The following ZFAND1 variants were observed in gnomAD, a reference collection of about 807,000 sequenced individuals.
ZFAND1 encodes the protein zinc finger AN1-type containing 1.
In ZFAND1, 40 loss-of-function variants were observed where a neutral mutation model predicts 38.5. The observed-to-expected ratio is 1.04, with a 90% CI of 0.81 to 1.35. The LOEUF (loss-of-function observed/expected upper bound fraction) is 1.35, where lower values mean the gene tolerates loss of function less well. ZFAND1 is among the 40% of genes most tolerant of loss of function. The pLI, the probability that ZFAND1 is intolerant of heterozygous loss-of-function variation, is 0.00. For missense variants in ZFAND1, 346 were observed against 316.3 expected (o/e 1.09, Z -0.71); for synonymous variants, 117 against 103.6 (o/e 1.13, Z -0.78).
At position 81,702,497 on chromosome 8, in the gene ZFAND1, T is replaced by A. The variant is rs1003092027; in HGVS notation, c.*198A>T. The A allele has an allele frequency of 1.7e-5, 6 of 355,706 alleles. No individual in the cohort carries two copies. The highest frequency in any genetic ancestry group is 2.9e-5 in the Non-Finnish European group (6 of 203,890). 22.0% of individuals were successfully genotyped at this position (355,706 alleles called of 1,614,324 possible). On this transcript the variant is annotated 3_prime_UTR_variant, in exon 8 of 8. Transcript: ENST00000220669. ...CTAATTAAATATAAGAATTTGCTAA[T>A]AATTGAGGATCCGTACACAATTAAA...
At chr8:81,712,617 A>G (rs1286418776) in intron 6 of ZFAND1, among the ~76,000 whole-genome samples, 1 of 152,188 alleles carries the variant, frequency 6.6e-6, no homozygotes, top group East Asian at 1.9e-4. Flanking sequence ...TAATGACAAC[A>G]AAAATTATAA....
At chr8:81,704,900 A>G (rs1041988606) in intron 6 of ZFAND1, among the ~76,000 whole-genome samples, 4 of 152,224 alleles carry the variant, frequency 2.6e-5, no homozygotes, top group African/African-American at 9.6e-5. Context: ...CCAAAAAGAA[A>G]GCAGCAAGAA....
At position 81,702,687 on chromosome 8, in the gene ZFAND1, T is replaced by C; in HGVS notation, c.*8A>G. On this transcript the variant is annotated 3_prime_UTR_variant, in exon 8 of 8. Coordinates refer to ENST00000220669, the MANE Select transcript of ZFAND1 (RefSeq NM_024699.3). ...TCCCTGTGATTTCTGACTTGAATCT[T>C]TGAATGACTATTCCAAGTAAGATTC... 6.8e-7 allele frequency: 1 copy of C among 1,477,588 alleles called. No individual in the cohort carries two copies. Among genetic ancestry groups the C allele is most frequent in the African/African-American group, 1.4e-5 (1 of 69,802 alleles). The allele number at this position is 1,477,588 out of a possible 1,614,324, so 91.5% of individuals were successfully genotyped here. A position where few individuals can be genotyped will look rare whatever the true frequency, so the allele number is the denominator to read the frequency against.
At chr8:81,719,356 A>ACACAC (rs1563611539) in intron 1 of ZFAND1, among the ~76,000 whole-genome samples, 605 of 55,110 alleles carry the variant, frequency 0.011, 8 homozygotes, top group African/African-American at 0.047. Context: ...CACACACACA[A>ACACAC]ATTAGCTGGG....
intron 6 of ZFAND1, among the ~76,000 whole-genome samples, chr8:81,704,947 C>A (rs892689029): frequency 2.9e-5 from 4 of 140,212 alleles, no homozygotes; most frequent in African/African-American, 5.2e-5. Context: ...AAGATATAGC[C>A]TTATCTTTTT....
Position 81,703,103 on chromosome 8 carries a change from C to G in ZFAND1, c.502G>C (p.Val168Leu). The change falls in exon 7 of 8, where the codon GTT becomes CTT. Residue 168 changes from valine to leucine, a missense_variant. Coordinates refer to ENST00000220669, the MANE Select transcript of ZFAND1 (RefSeq NM_024699.3). ...LPQTERIYFQ[V>L]FLPKGSKEKS... ...TCTTTGCTCCCTTTAGGTAAGAAAA[C>G]CTGAAAGTAAATTCTTTCTGTCTGT... The G allele has an allele frequency of 6.6e-7, 1 of 1,514,520 alleles. No homozygotes were observed. The highest frequency in any genetic ancestry group is 2.3e-5 in the East Asian group (1 of 42,636). The allele number at this position is 1,514,520 out of a possible 1,614,324, so 93.8% of individuals were successfully genotyped here. A position where few individuals can be genotyped will look rare whatever the true frequency, so the allele number is the denominator to read the frequency against.
intron 6 of ZFAND1, among the ~76,000 whole-genome samples, chr8:81,706,516 A>C (rs1417826624): frequency 6.6e-6 from 1 of 151,984 alleles, no homozygotes; most frequent in Non-Finnish European, 1.5e-5. Context: ...GGAGGATATA[A>C]TACCAACTAA....
intron 1 of ZFAND1, among the ~76,000 whole-genome samples, chr8:81,718,734 C>A (rs572572015): frequency 6.8e-6 from 1 of 147,966 alleles, no homozygotes; most frequent in Non-Finnish European, 1.5e-5. Flanking sequence ...ATATATATAT[C>A]GCCAAAGCTT....
chr8:81,705,573 A>G (rs1428800486), intron 6 of ZFAND1, among the ~76,000 whole-genome samples: 1 of 152,262 alleles, frequency 6.6e-6, no homozygotes, highest in African/African-American at 2.4e-5. Context: ...CTAATTTATT[A>G]TAAGATGGAT....
Position 81,715,073 on chromosome 8 carries a change from T to C in ZFAND1, c.180A>G (p.Thr60=), listed in dbSNP as rs769645575. The C allele has an allele frequency of 6.2e-7, 1 of 1,614,052 alleles. No individual in the cohort carries two copies. The highest frequency in any genetic ancestry group is 1.1e-5 in the South Asian group (1 of 91,086). The change falls in exon 4 of 8, where the codon ACA becomes ACG. Residue 60 remains threonine, a synonymous_variant. Coordinates refer to ENST00000220669, the MANE Select transcript of ZFAND1 (RefSeq NM_024699.3). ...INERLKTDQH[T]SYPCSFKDCA... The stretch of plus-strand genomic sequence containing the variant: ...AGTCTTTGAAAGAGCATGGGTAAGA[T>C]GTATGTTGATCTGTCTTCAGTCTCT...
In ZFAND1 at chr8:81,719,592, A is replaced by G. The variant is rs1423707922; in HGVS notation, c.56-1368T>C. ...TAATATTTTGCGACTTTTAATAATC[A>G]AGTATTAGATGCAAACCAGAAGGAC... On this transcript the variant is annotated intron_variant, in intron 1 of 7. Transcript: ENST00000220669. Among the ~76,000 whole-genome samples, 3 of 152,156 alleles carry G rather than the reference A, an allele frequency of 2.0e-5. No individual in the cohort carries two copies. In the East Asian group the frequency reaches 5.8e-4, roughly 29 times the overall value.
chr8:81,714,428 C>T (rs1808238915), intron 5 of ZFAND1: 1 of 253,290 alleles, frequency 3.9e-6, no homozygotes, highest in African/African-American at 2.3e-5. Context: ...GTCACAGATA[C>T]ATTCATTCCT....
At chr8:81,714,222 T>A (rs1159938390) in intron 5 of ZFAND1, 183 bp from the exon 6 acceptor site, 1 of 559,420 alleles carries the variant, frequency 1.8e-6, no homozygotes, top group Non-Finnish European at 2.9e-6. Flanking sequence ...TCATTGAGAT[T>A]GATCTAGGCA....
Position 81,716,675 on chromosome 8 carries a change from G to A in ZFAND1, c.138+574C>T, listed in dbSNP as rs139970286. ...TATAAATATATAGCCTTGGCTGGGCGCGGTGGCTAACACCTGTAACCCCAA... is the reference window on the plus strand; with the variant it reads ...TATAAATATATAGCCTTGGCTGGGCACGGTGGCTAACACCTGTAACCCCAA... On this transcript the variant is annotated intron_variant, in intron 3 of 7. Transcript: ENST00000220669. Among the ~76,000 whole-genome samples, 26 of 152,294 alleles carry A rather than the reference G, an allele frequency of 1.7e-4. 1 individual carries two copies. The highest frequency in any genetic ancestry group is 1.3e-3 in the Admixed American group (20 of 15,290).
Position 81,713,062 on chromosome 8 carries a change from G to A in ZFAND1, c.480+856C>T, listed in dbSNP as rs376590218. Among the ~76,000 whole-genome samples, 69 of 152,230 alleles carry A rather than the reference G, an allele frequency of 4.5e-4. No individual in the cohort carries two copies. In the East Asian group the frequency reaches 0.011, roughly 23 times the overall value. On this transcript the variant is annotated intron_variant, in intron 6 of 7. Coordinates refer to ENST00000220669, the MANE Select transcript of ZFAND1 (RefSeq NM_024699.3). ...TTTAAACAGTAGTCTCAATCCATTAGGGATTGGAAAATCAACCTGATAGGT... is the reference window on the plus strand; with the variant it reads ...TTTAAACAGTAGTCTCAATCCATTAAGGATTGGAAAATCAACCTGATAGGT...
intron 6 of ZFAND1, among the ~76,000 whole-genome samples, chr8:81,713,519 T>C (rs1205273637): frequency 1.3e-5 from 2 of 152,220 alleles, no homozygotes; most frequent in Non-Finnish European, 2.9e-5. Context: ...TGGGTTGTTA[T>C]ATAAAATAAC....
intron 2 of ZFAND1, among the ~76,000 whole-genome samples, chr8:81,717,667 T>C (rs983432783): frequency 4.6e-5 from 7 of 152,154 alleles, no homozygotes; most frequent in African/African-American, 1.7e-4. Flanking sequence ...CAACAAATCA[T>C]TCTGAATTAC....
At chr8:81,711,159 A>C (rs1808129439) in intron 6 of ZFAND1, among the ~76,000 whole-genome samples, 1 of 152,204 alleles carries the variant, frequency 6.6e-6, no homozygotes, top group African/African-American at 2.4e-5. Context: ...CACGCCTGTA[A>C]TCCCAGCACT....
intron 6 of ZFAND1, among the ~76,000 whole-genome samples, chr8:81,706,370 CAAAAA>C (rs35031788): frequency 4.0e-4 from 29 of 72,682 alleles, no homozygotes; most frequent in Middle Eastern, 0.017. Flanking sequence ...GAAGGAGAAA[CAAAAA>C]AAAAAAAAAA....
Sources: gnomAD v4.1 joint callset for allele counts (sites outside exome capture counted in the v4.1 genomes callset) on GRCh38, gnomAD v4.1.1 for gene constraint, MANE v1.5 for transcripts, NCBI Gene and HGNC (gene_info 2026-07-23, HGNC 2026-07-21) for gene names.